NTMT1: variants seen among roughly 807,000 people sequenced by gnomAD.
NTMT1 encodes N-terminal Xaa-Pro-Lys N-methyltransferase 1, also known as N-terminal RCC1 methyltransferase.
Under a neutral mutation model 17.5 loss-of-function variants are expected in NTMT1, and 8 were observed. That is an observed-to-expected ratio of 0.46 (90% confidence interval 0.27 to 0.82). The LOEUF is 0.82. Among genes scored for constraint, NTMT1 ranks in the 40% least tolerant of loss-of-function variants. The pLI, the probability that NTMT1 is intolerant of heterozygous loss-of-function variation, is 0.15. For synonymous variants in NTMT1, 128 were observed against 126.8 expected (o/e 1.01, Z -0.06); for missense variants, 221 against 303.5 (o/e 0.73, Z 2.02).
At position 129,620,400 on chromosome 9, in the gene NTMT1, C is replaced by G; in HGVS notation, c.-55+11222C>G. The G allele has an allele frequency of 8.1e-7, 1 of 1,232,910 alleles. No homozygotes were observed. The highest frequency in any genetic ancestry group is 1.0e-6 in the Non-Finnish European group (1 of 989,002). 76.4% of individuals were successfully genotyped at this position (1,232,910 alleles called of 1,614,324 possible). A position where few individuals can be genotyped will look rare whatever the true frequency, so the allele number is the denominator to read the frequency against. On this transcript the variant is annotated intron_variant, in intron 1 of 3. Transcript: ENST00000372486. The surrounding 1 kb of genome is among the most constrained non-coding windows in gnomAD (Gnocchi z 5.8). ...GCGTCCCCTTCCGGCCACCACGCGG[C>G]GCCGCCCCCCGGGATCCTCCAGTCC...
At position 129,613,157 on chromosome 9, in the gene NTMT1, G is replaced by A; in HGVS notation, c.-55+3979G>A. ...AAGAAGGCTCGGAGGCTGCTTCGCG[G>A]CCTCTGAGCAGCGGCCTTCTTCCAT... On this transcript the variant is annotated intron_variant, in intron 1 of 3. Transcript: ENST00000372486. This position sits in a 1 kb window ranked among gnomAD's most constrained non-coding sequence, Gnocchi z 6.2. 1 of 1,613,788 alleles carries A rather than the reference G, an allele frequency of 6.2e-7. No individual in the cohort carries two copies. The highest frequency in any genetic ancestry group is 8.5e-7 in the Non-Finnish European group (1 of 1,180,012).
At position 129,634,324 on chromosome 9, in the gene NTMT1, C is replaced by T. The variant is rs758743576; in HGVS notation, c.415+18C>T. On this transcript the variant is annotated intron_variant, in intron 3 of 3. Coordinates refer to ENST00000372483, the MANE Select transcript of NTMT1 (RefSeq NM_014064.4). Reference sequence around the variant, plus strand: ...GGTGATAGGTGAGGGTTCCACCGCCCTTCCCTGCTCACCTGTATGTCTCCT... The same window carrying T: ...GGTGATAGGTGAGGGTTCCACCGCCTTTCCCTGCTCACCTGTATGTCTCCT... The T allele has an allele frequency of 5.1e-6, 8 of 1,575,962 alleles. No homozygotes were observed. The East Asian group carries it at 1.1e-4, about 22-fold the overall frequency.
intron 1 of NTMT1, among the ~76,000 whole-genome samples, chr9:129,616,247 G>A (rs565595282): frequency 5.8e-4 from 88 of 152,258 alleles, no homozygotes; most frequent in African/African-American, 2.0e-3. Flanking sequence ...ACAGATTCTC[G>A]CTCTGTGGCT....
At chr9:129,615,652 G>T in intron 1 of NTMT1, 1 of 1,536,876 alleles carries the variant, frequency 6.5e-7, no homozygotes. Flanking sequence ...GGCCTGCTGA[G>T]AGAGGGGAGA....
intron 1 of NTMT1, chr9:129,612,430 G>A (rs1830138373): frequency 3.1e-6 from 5 of 1,613,714 alleles, no homozygotes; most frequent in Non-Finnish European, 4.2e-6. Context: ...ACCGACTGCA[G>A]CACCCGGTTG....
chr9:129,619,751 G>A, intron 1 of NTMT1: 1 of 1,614,096 alleles, frequency 6.2e-7, no homozygotes, highest in Non-Finnish European at 8.5e-7. Context: ...ACAGGTCTGG[G>A]AGGAATGAAC....
chr9:129,624,085 C>T (rs887264262), upstream of NTMT1, among the ~76,000 whole-genome samples: 3 of 151,976 alleles, frequency 2.0e-5, no homozygotes, highest in East Asian at 5.8e-4. Flanking sequence ...TGAGCCACTG[C>T]GCCTGGCCTA....
rs979850751 is a variant in NTMT1, at chr9:129,620,042, C to T, written c.-55+10864C>T. 7.6e-6 allele frequency: 11 copies of T among 1,451,422 alleles called. No homozygotes were observed. In the African/African-American group the frequency reaches 1.3e-4, roughly 17 times the overall value. 89.9% of individuals were successfully genotyped at this position (1,451,422 alleles called of 1,614,324 possible). On this transcript the variant is annotated intron_variant, in intron 1 of 3. Transcript: ENST00000372486. This position sits in a 1 kb window ranked among gnomAD's most constrained non-coding sequence, Gnocchi z 5.8. ...CCCCACCGGAAATGACTCGGGCCCG[C>T]CCCCCGGGCCCCGCGGGGCCTCACT...
intron 1 of NTMT1, among the ~76,000 whole-genome samples, chr9:129,609,963 G>A (rs1168154686): frequency 1.3e-5 from 2 of 150,902 alleles, no homozygotes; most frequent in Admixed American, 6.6e-5. Context: ...TCTGAAGGGG[G>A]TGTCTGTGGG....
intron 2 of NTMT1, chr9:129,633,100 G>C: frequency 1.9e-6 from 1 of 524,056 alleles, no homozygotes; most frequent in Non-Finnish European, 3.4e-6. Context: ...GAATTGAGGT[G>C]CCTGAATTGG....
At chr9:129,621,709 G>T (rs1830724387), upstream of NTMT1, among the ~76,000 whole-genome samples, 1 of 151,982 alleles carries the variant, frequency 6.6e-6, no homozygotes, top group African/African-American at 2.4e-5. Context: ...GGGAGGCAGA[G>T]CCCCAGTCTT....
chr9:129,611,984 A>G (rs1240197851), intron 1 of NTMT1, among the ~76,000 whole-genome samples: 1 of 151,894 alleles, frequency 6.6e-6, no homozygotes. Context: ...TCCTGGGCTC[A>G]AGCCATCCTC....
At chr9:129,618,673 T>G (rs987457475) in intron 1 of NTMT1, among the ~76,000 whole-genome samples, 8 of 151,834 alleles carry the variant, frequency 5.3e-5, no homozygotes, top group African/African-American at 1.9e-4. Flanking sequence ...GAGTTTTATT[T>G]TTTATTTATT....
intron 1 of NTMT1, among the ~76,000 whole-genome samples, chr9:129,609,770 T>C (rs1830070371): frequency 6.6e-6 from 1 of 151,924 alleles, no homozygotes; most frequent in African/African-American, 2.4e-5. Flanking sequence ...GACATGCTGG[T>C]GGACAGACAA....
In NTMT1 at chr9:129,620,339, C is replaced by T. The variant is rs980741936; in HGVS notation, c.-55+11161C>T. ...GGTCGCGGTGAGCAAGGCGGGCAGG[C>T]GCGGCGGGAGGCGTCCGACGCCCAC... On this transcript the variant is annotated intron_variant, in intron 1 of 3. Transcript: ENST00000372486. This position sits in a 1 kb window ranked among gnomAD's most constrained non-coding sequence, Gnocchi z 5.8. The T allele has an allele frequency of 1.5e-5, 18 of 1,230,240 alleles. No individual in the cohort carries two copies. Among genetic ancestry groups the T allele is most frequent in the Middle Eastern group, 3.1e-4 (1 of 3,186 alleles). 76.2% of individuals were successfully genotyped at this position (1,230,240 alleles called of 1,614,324 possible). A position where few individuals can be genotyped will look rare whatever the true frequency, so the allele number is the denominator to read the frequency against.
chr9:129,610,772 G>A (rs560385776), intron 1 of NTMT1, among the ~76,000 whole-genome samples: 2 of 152,182 alleles, frequency 1.3e-5, no homozygotes, highest in Admixed American at 6.5e-5. Flanking sequence ...CGACCCTTGG[G>A]GTAAACTGAG....
In NTMT1 at chr9:129,635,130, G is replaced by A. The variant is rs140909422; in HGVS notation, c.416-78G>A. The A allele has an allele frequency of 2.9e-4, 443 of 1,509,152 alleles. 1 individual carries two copies. In the African/African-American group the frequency reaches 5.0e-3, roughly 17 times the overall value. 93.5% of individuals were successfully genotyped at this position (1,509,152 alleles called of 1,614,324 possible). On this transcript the variant is annotated intron_variant, in intron 3 of 3. Coordinates refer to ENST00000372483, the MANE Select transcript of NTMT1 (RefSeq NM_014064.4). ...CTGGGCACAAATGAGGGGCTCAGCGGGGCTGAGAAGTACATCCCATCCAGT... is the reference window on the plus strand; with the variant it reads ...CTGGGCACAAATGAGGGGCTCAGCGAGGCTGAGAAGTACATCCCATCCAGT...
Position 129,632,868 on chromosome 9 carries a change from A to G in NTMT1, c.162+3A>G. On this transcript the variant is annotated splice_donor_region_variant and intron_variant, in intron 2 of 3. Transcript: ENST00000372483. ...AGTTTCTGCAGAGGTTTTTGAGGGT[A>G]GGCAGGTCTGGCGTGCTCTCCAGGA... 1 of 1,613,866 alleles carries G rather than the reference A, an allele frequency of 6.2e-7. No homozygotes were observed. Among genetic ancestry groups the G allele is most frequent in the Non-Finnish European group, 8.5e-7 (1 of 1,179,872 alleles).
chr9:129,634,022 CCTCT>C, intron 2 of NTMT1, 28 bp from the exon 3 acceptor site: 1 of 1,596,792 alleles, frequency 6.3e-7, no homozygotes, highest in Non-Finnish European at 8.6e-7. Context: ...TGACAGGGTC[CCTCT>C]GATAGGTTAT....
Sources: allele counts gnomAD v4.1 joint callset (sites outside exome capture counted in the v4.1 genomes callset), GRCh38; gene constraint gnomAD v4.1.1; non-coding constraint Gnocchi (gnomAD v3.1); transcripts MANE v1.5; gene names NCBI Gene and HGNC (gene_info 2026-07-23, HGNC 2026-07-21).